The following GPR137C variants were observed in gnomAD, a reference collection of about 807,000 sequenced individuals.
GPR137C encodes the protein integral membrane protein GPR137C.
A neutral mutation model predicts 43.4 loss-of-function variants in GPR137C; 27 were observed. That is an observed-to-expected ratio of 0.62 (90% CI 0.46 to 0.86). The LOEUF is 0.86. Ranked by LOEUF, GPR137C falls within the 40% of genes least tolerant of loss-of-function variation. The pLI is 0.00. For synonymous variants in GPR137C, 285 were observed against 226.9 expected (o/e 1.26, Z -2.30); for missense variants, 522 against 534.6 (o/e 0.98, Z 0.23).
intron 1 of GPR137C, among the ~76,000 whole-genome samples, chr14:52,584,226 G>T (rs1293971313): frequency 1.3e-5 from 2 of 152,156 alleles, no homozygotes; most frequent in Admixed American, 6.5e-5. Flanking sequence ...AACAGAGATT[G>T]TCCAAAGACA....
chr14:52,563,182 A>G (rs1012246696), intron 1 of GPR137C, among the ~76,000 whole-genome samples: 1 of 151,964 alleles, frequency 6.6e-6, no homozygotes, highest in Non-Finnish European at 1.5e-5. Context: ...GCATTCTCCT[A>G]ATTTTTTTGT....
chr14:52,626,234 A>G (rs1372367997), intron 3 of GPR137C, among the ~76,000 whole-genome samples: 1 of 152,186 alleles, frequency 6.6e-6, no homozygotes, highest in Non-Finnish European at 1.5e-5. Context: ...ATACTGACAG[A>G]TGGCTGTACA....
At chr14:52,563,872 G>T (rs1400715805) in intron 1 of GPR137C, among the ~76,000 whole-genome samples, 2 of 152,014 alleles carry the variant, frequency 1.3e-5, no homozygotes, top group African/African-American at 4.8e-5. Context: ...AGCATGTATT[G>T]ACTAGTCCAT....
At chr14:52,556,962 G>A (rs1270030091) in intron 1 of GPR137C, among the ~76,000 whole-genome samples, 3 of 151,996 alleles carry the variant, frequency 2.0e-5, no homozygotes, top group Non-Finnish European at 4.4e-5. Flanking sequence ...AAAACAGATA[G>A]GAAAATTAAA....
intron 1 of GPR137C, among the ~76,000 whole-genome samples, chr14:52,568,861 G>A (rs1314843889): frequency 6.6e-6 from 1 of 152,202 alleles, no homozygotes; most frequent in Non-Finnish European, 1.5e-5. Flanking sequence ...GCGGCTGTGG[G>A]CACAGCTTCA....
At position 52,634,960 on chromosome 14, in the gene GPR137C, G is replaced by C; in HGVS notation, c.1135G>C (p.Gly379Arg). ...EGSLPNSQSL[G>R]WYGTMTGCGS... is the part of the protein sequence containing the mutation. ...CAGTTTACCAAATTCGCAAAGTTTG[G>C]GCTGGTATGGCACCATGACTGGGTG... Residue 379 changes from glycine (G) to arginine (R), a missense_variant, in exon 7 of 7, where the codon GGC (glycine) becomes CGC (arginine). By Grantham distance (125) the Gly-to-Arg change is moderately radical (BLOSUM62 -2). Transcript: ENST00000321662. 6.2e-7 allele frequency: 1 copy of C among 1,612,004 alleles called. No homozygotes were observed. Among genetic ancestry groups the C allele is most frequent in the Non-Finnish European group, 8.5e-7 (1 of 1,179,120 alleles).
intron 1 of GPR137C, among the ~76,000 whole-genome samples, chr14:52,566,085 T>C (rs964401163): frequency 3.3e-5 from 5 of 152,198 alleles, no homozygotes; most frequent in Non-Finnish European, 7.4e-5. Flanking sequence ...CTCTGAGATA[T>C]AGATGCCAGT....
At chr14:52,592,599 A>T (rs2038798543) in intron 1 of GPR137C, among the ~76,000 whole-genome samples, 2 of 151,974 alleles carry the variant, frequency 1.3e-5, no homozygotes, top group South Asian at 4.1e-4. Context: ...AACAATTGTG[A>T]ATGGGAATTC....
intron 1 of GPR137C, among the ~76,000 whole-genome samples, chr14:52,569,362 C>CAA (rs199983262): frequency 4.2e-5 from 6 of 141,864 alleles, no homozygotes; most frequent in African/African-American, 1.3e-4. Context: ...CTGAAAATTC[C>CAA]AAAAAAAAAA....
intron 1 of GPR137C, among the ~76,000 whole-genome samples, chr14:52,563,351 C>T (rs1594780174): frequency 1.3e-5 from 2 of 150,156 alleles, no homozygotes; most frequent in Non-Finnish European, 3.0e-5. Flanking sequence ...CACTTATCTC[C>T]GATCCTTACT....
At chr14:52,576,717 C>T (rs999404606) in intron 1 of GPR137C, among the ~76,000 whole-genome samples, 1 of 152,164 alleles carries the variant, frequency 6.6e-6, no homozygotes, top group Non-Finnish European at 1.5e-5. Flanking sequence ...GAACATTCTA[C>T]CCTACAACCA....
At chr14:52,632,348 T>C in intron 4 of GPR137C, 39 bp downstream of exon 4, 2 of 1,459,538 alleles carry the variant, frequency 1.4e-6, no homozygotes, top group Non-Finnish European at 1.9e-6. Context: ...AACAATGTGA[T>C]AATTAACTTA....
intron 3 of GPR137C, among the ~76,000 whole-genome samples, chr14:52,620,107 T>C (rs879482854): frequency 1.3e-5 from 2 of 152,094 alleles, no homozygotes; most frequent in Non-Finnish European, 2.9e-5. Flanking sequence ...TCCTGTTTTT[T>C]ACAGCTTCTA....
chr14:52,580,796 T>C (rs2038632433), intron 1 of GPR137C, among the ~76,000 whole-genome samples: 1 of 143,774 alleles, frequency 7.0e-6, no homozygotes, highest in South Asian at 2.1e-4. Context: ...TAAATATATT[T>C]ATATTTATAT....
At chr14:52,576,268 A>G (rs2038550465) in intron 1 of GPR137C, among the ~76,000 whole-genome samples, 1 of 152,242 alleles carries the variant, frequency 6.6e-6, no homozygotes, top group African/African-American at 2.4e-5. Context: ...TAATGGCCTC[A>G]AATTCCATCA....
intron 1 of GPR137C, among the ~76,000 whole-genome samples, chr14:52,591,194 T>G (rs1442852943): frequency 6.6e-6 from 1 of 152,168 alleles, no homozygotes; most frequent in Non-Finnish European, 1.5e-5. Flanking sequence ...GTATTCCATA[T>G]TGCATATGTG....
intron 1 of GPR137C, among the ~76,000 whole-genome samples, chr14:52,573,547 C>T (rs1306347577): frequency 6.6e-6 from 1 of 152,168 alleles, no homozygotes; most frequent in Non-Finnish European, 1.5e-5. Flanking sequence ...TGGACCCCTT[C>T]CTTACACCTT....
chr14:52,587,657 C>T (rs1010460296), intron 1 of GPR137C, among the ~76,000 whole-genome samples: 2 of 152,200 alleles, frequency 1.3e-5, no homozygotes, highest in African/African-American at 4.8e-5. Flanking sequence ...GTAGTTCCAG[C>T]TACTCGAGAG....
chr14:52,586,661 C>T (rs187098417), intron 1 of GPR137C, among the ~76,000 whole-genome samples: 4 of 152,314 alleles, frequency 2.6e-5, no homozygotes, highest in African/African-American at 9.6e-5. Flanking sequence ...TCTCATTCTA[C>T]ACTTTTTCCC....
Sources: gnomAD v4.1 joint callset for allele counts (sites outside exome capture counted in the v4.1 genomes callset) on GRCh38, gnomAD v4.1.1 for gene constraint, MANE v1.5 for transcripts, NCBI Gene and HGNC (gene_info 2026-07-23, HGNC 2026-07-21) for gene names.